Variants in ANK3 observed in about 807,000 individuals in gnomAD.
ANK3 encodes ankyrin-3.
ANK3 carries 57 observed loss-of-function variants against 370.9 expected under a neutral mutation model. That is an observed-to-expected ratio of 0.15 (90% CI 0.12 to 0.19). ANK3 has a LOEUF of 0.19. Ranked by LOEUF, ANK3 falls within the 10% of genes least tolerant of loss-of-function variation. ANK3 has a pLI of 1.00. For synonymous variants in ANK3, 1,929 were observed against 1,946.3 expected, an observed-to-expected ratio of 0.99 and a Z score of 0.23; for missense variants, 4,439 against 5,302.1, an observed-to-expected ratio of 0.84 and a Z score of 5.06.
intron 7 of ANK3, among the ~76,000 whole-genome samples, chr10:60,240,812 G>C (rs1022089605): frequency 2.0e-5 from 3 of 152,188 alleles, no homozygotes; most frequent in Non-Finnish European, 2.9e-5. Context: ...GGCTGGTCTT[G>C]AACTTCTGAC....
intron 2 of ANK3, among the ~76,000 whole-genome samples, chr10:60,554,524 T>C (rs1487140405): frequency 1.3e-5 from 2 of 152,106 alleles, no homozygotes; most frequent in Admixed American, 1.3e-4. Flanking sequence ...AAAATTGCAA[T>C]GGTATCAGGT....
chr10:60,404,985 A>G (rs2063424266), intron 2 of ANK3, among the ~76,000 whole-genome samples: 1 of 152,204 alleles, frequency 6.6e-6, no homozygotes, highest in Admixed American at 6.5e-5. Context: ...AGATATTACT[A>G]TCATCTACCA....
In ANK3 at chr10:60,042,746, A is replaced by C. The variant is rs2076325731; in HGVS notation, c.13079T>G (p.Phe4360Cys). 6.2e-7 allele frequency: 1 copy of C among 1,613,416 alleles called. No individual in the cohort carries two copies. Among genetic ancestry groups the C allele is most frequent in the Non-Finnish European group, 8.5e-7 (1 of 1,179,978 alleles). Residue 4360 changes from phenylalanine (F) to cysteine (C), a missense_variant, in exon 43 of 44, where the codon TTT becomes TGT. This residue lies in a region of ANK3 where 242 missense variants were observed against 228.0 expected (regional missense o/e 1.06). Coordinates refer to ENST00000280772, the MANE Select transcript of ANK3 (RefSeq NM_020987.5). ...GATTTCTTTCTTCGTTTTCACCTTA[A>C]AACCTTCTCCCTGCTTTGAAAGGAG... is the stretch of plus-strand genomic sequence containing the variant. Reference protein sequence around the residue: ...SGSEQKQGEGFKVKTKKEIRH... With the variant: ...SGSEQKQGEGCKVKTKKEIRH...
intron 1 of ANK3, among the ~76,000 whole-genome samples, chr10:60,710,457 A>G (rs755447428): frequency 2.0e-5 from 3 of 152,156 alleles, no homozygotes; most frequent in Non-Finnish European, 4.4e-5. Flanking sequence ...AGTTTCCTAT[A>G]TTTTATGATA....
intron 2 of ANK3, among the ~76,000 whole-genome samples, chr10:60,452,550 A>G (rs2064636367): frequency 2.0e-5 from 3 of 152,198 alleles, no homozygotes; most frequent in Admixed American, 2.0e-4. Context: ...AGGAGGGGGA[A>G]CCCTCATAAT....
At position 60,068,680 on chromosome 10, in the gene ANK3, CTT is replaced by C; in HGVS notation, c.12199_12200del (p.Lys4067GlufsTer2). On this transcript the variant is annotated frameshift_variant, in exon 37 of 44. Transcript: ENST00000280772. LOFTEE classifies it high-confidence loss of function. ...TTTTCTCACTGCCGGCCTTTTCACT[CTT>C]TGATTTTAAAGGTGCTGCCTCTGTT... ...KKTEAAPLKS[K>X]SEKAGSEKRS... 6.2e-7 allele frequency: 1 copy of C among 1,613,134 alleles called. No homozygotes were observed. Among genetic ancestry groups the C allele is most frequent in the Non-Finnish European group, 8.5e-7 (1 of 1,179,436 alleles).
chr10:60,644,944 A>G (rs973143847), intron 1 of ANK3, among the ~76,000 whole-genome samples: 1 of 149,058 alleles, frequency 6.7e-6, no homozygotes, highest in African/African-American at 2.5e-5. Context: ...TTCAAATTTA[A>G]ACATAAAACT....
chr10:60,042,982 T>C, intron 42 of ANK3: 1 of 1,309,466 alleles, frequency 7.6e-7, no homozygotes, highest in African/African-American at 1.5e-5. Context: ...TAATTGTACT[T>C]GACAATAATT....
At chr10:60,059,693 C>T (rs773646711) in intron 40 of ANK3, 13 of 1,606,294 alleles carry the variant, frequency 8.1e-6, no homozygotes, top group Admixed American at 1.7e-5. Flanking sequence ...ATTGAGGATA[C>T]TCACTCAGAC....
At chr10:60,367,568 T>C (rs975478235) in intron 1 of ANK3, among the ~76,000 whole-genome samples, 2 of 152,208 alleles carry the variant, frequency 1.3e-5, no homozygotes, top group African/African-American at 4.8e-5. Flanking sequence ...GGGAAAAATG[T>C]GCTAAAACAA....
intron 2 of ANK3, among the ~76,000 whole-genome samples, chr10:60,462,410 C>T (rs1378373985): frequency 6.6e-6 from 1 of 152,044 alleles, no homozygotes; most frequent in Non-Finnish European, 1.5e-5. Context: ...AGATCTGTTC[C>T]TTGAAAATGT....
intron 2 of ANK3, among the ~76,000 whole-genome samples, chr10:60,524,384 G>A (rs2076420802): frequency 6.6e-6 from 1 of 152,092 alleles, no homozygotes; most frequent in South Asian, 2.1e-4. Context: ...TCACTGTATA[G>A]CTCCCATAAG....
chr10:60,427,153 C>T (rs1025538117), intron 2 of ANK3, among the ~76,000 whole-genome samples: 2 of 152,160 alleles, frequency 1.3e-5, no homozygotes, highest in African/African-American at 4.8e-5. Flanking sequence ...TTATACCCAA[C>T]ATTCCAATTT....
At chr10:60,488,712 T>G (rs1259821625) in intron 2 of ANK3, among the ~76,000 whole-genome samples, 1 of 152,214 alleles carries the variant, frequency 6.6e-6, no homozygotes, top group Non-Finnish European at 1.5e-5. Flanking sequence ...CTTTGTTTAA[T>G]GCTTTCAAGT....
intron 1 of ANK3, among the ~76,000 whole-genome samples, chr10:60,288,489 C>G (rs899752233): frequency 6.6e-6 from 1 of 152,094 alleles, no homozygotes; most frequent in African/African-American, 2.4e-5. Context: ...CATCCTGTTA[C>G]AGCTGGGAAA....
intron 8 of ANK3, among the ~76,000 whole-genome samples, chr10:60,230,359 T>TC (rs1229003301): frequency 5.3e-5 from 8 of 152,182 alleles, no homozygotes; most frequent in Non-Finnish European, 1.2e-4. Context: ...ATTGTGATCT[T>TC]GTTGAAAAAA....
At chr10:60,306,558 A>G (rs1019187697) in intron 1 of ANK3, among the ~76,000 whole-genome samples, 2 of 152,000 alleles carry the variant, frequency 1.3e-5, no homozygotes, top group African/African-American at 4.8e-5. Flanking sequence ...TCTTTTTCAT[A>G]TAATGCCTTC....
chr10:60,440,229 G>A (rs951505069), intron 2 of ANK3, among the ~76,000 whole-genome samples: 1 of 152,160 alleles, frequency 6.6e-6, no homozygotes, highest in Admixed American at 6.5e-5. Context: ...GCAGCTGTAC[G>A]AAATGATCTG....
At position 60,028,037 on chromosome 10, in the gene ANK3, T is replaced by TAAAAC. The variant is rs749699833; in HGVS notation, c.*1804_*1808dup. The TAAAAC allele has an allele frequency of 2.0e-5, 3 of 152,176 alleles. No homozygotes were observed. The highest frequency in any genetic ancestry group is 6.5e-5 in the Admixed American group (1 of 15,276). The allele number at this position is 152,176 out of a possible 1,614,324, so 9.4% of individuals were successfully genotyped here. A position where few individuals can be genotyped will look rare whatever the true frequency, so the allele number is the denominator to read the frequency against. ...AGAATGGACAATAAATGTAAATTAA[T>TAAAAC]AAAACAAAACAAAAACAAGCTCTGT... On this transcript the variant is annotated 3_prime_UTR_variant, in exon 44 of 44. Transcript: ENST00000280772.
Sources: allele counts gnomAD v4.1 joint callset (sites outside exome capture counted in the v4.1 genomes callset), GRCh38; gene constraint gnomAD v4.1.1; regional missense constraint gnomAD v4.1.1; transcripts MANE v1.5; gene names NCBI Gene and HGNC (gene_info 2026-07-23, HGNC 2026-07-21).